HDLBP: variants seen among roughly 807,000 people sequenced by gnomAD.
HDLBP encodes vigilin.
Under a neutral mutation model 137.3 loss-of-function variants are expected in HDLBP, and 30 were observed. The observed-to-expected ratio is 0.22, with a 90% CI of 0.16 to 0.30. The LOEUF (loss-of-function observed/expected upper bound fraction) is 0.30. Among genes scored for constraint, HDLBP ranks in the 10% least tolerant of loss-of-function variants. HDLBP has a pLI of 1.00. For missense variants in HDLBP, 1,119 were observed against 1,667.3 expected, an observed-to-expected ratio of 0.67 and a Z score of 5.73; for synonymous variants, 606 against 596.0, an observed-to-expected ratio of 1.02 and a Z score of -0.24.
rs1008430478 is a variant in HDLBP at position 241,256,790 on chromosome 2, G to C, written c.467C>G (p.Ala156Gly). ...RLQTQASATV[A>G]IPKEHHRFVI... is the part of the protein sequence containing the mutation. Reference sequence around the variant, plus strand: ...AAAGCGATGGTGTTCTTTGGGAATGGCAACAGTTGCTGAGGCCTATAGCAA... The same window carrying C: ...AAAGCGATGGTGTTCTTTGGGAATGCCAACAGTTGCTGAGGCCTATAGCAA... Residue 156 changes from alanine (A) to glycine (G), a missense_variant, in exon 6 of 28, where the codon GCC becomes GGC. Ala to Gly is a moderately conservative substitution (Grantham distance 60, BLOSUM62 0). Coordinates refer to ENST00000310931, the MANE Select transcript of HDLBP (RefSeq NM_005336.6). 8 of 1,613,926 alleles carry C rather than the reference G, an allele frequency of 5.0e-6. No homozygotes were observed. Among genetic ancestry groups the C allele is most frequent in the Non-Finnish European group, 5.9e-6 (7 of 1,179,780 alleles).
At chr2:241,286,415 G>A (rs1357580400) in intron 1 of HDLBP, among the ~76,000 whole-genome samples, 1 of 152,224 alleles carries the variant, frequency 6.6e-6, no homozygotes, top group Non-Finnish European at 1.5e-5. Flanking sequence ...GTATCTGACT[G>A]CCTCCTTTGG....
chr2:241,240,019 C>G lies in HDLBP; in HGVS notation c.2273G>C (p.Gly758Ala). 6.2e-7 allele frequency: 1 copy of G among 1,614,198 alleles called. No homozygotes were observed. Among genetic ancestry groups the G allele is most frequent in the South Asian group, 1.1e-5 (1 of 91,088 alleles). The change falls in exon 18 of 28, where the codon GGA becomes GCA. Residue 758 changes from glycine to alanine, a missense_variant. Gly to Ala is a moderately conservative substitution (Grantham distance 60). This residue lies in a region of HDLBP where 618 missense variants were observed against 816.7 expected (regional missense o/e 0.76). Transcript: ENST00000310931. This position sits in a 1 kb window ranked among gnomAD's most constrained non-coding sequence, Gnocchi z 5.5. ...GKIRKVRDST[G>A]ARVIFPAAED... ...AGCCGCAGGGAAGATGACACGTGCT[C>G]CAGTGCTGTCGCGCACCTTGCGAAT... is the stretch of plus-strand genomic sequence containing the variant.
At position 241,272,348 on chromosome 2, in the gene HDLBP, C is replaced by A; in HGVS notation, c.-102-3807G>T. 1.0e-6 allele frequency: 1 copy of A among 984,248 alleles called. No individual in the cohort carries two copies. The highest frequency in any genetic ancestry group is 1.2e-6 in the Non-Finnish European group (1 of 829,282). The allele number at this position is 984,248 out of a possible 1,614,324, so 61.0% of individuals were successfully genotyped here. On this transcript the variant is annotated intron_variant, in intron 1 of 27. Coordinates refer to ENST00000310931, the MANE Select transcript of HDLBP (RefSeq NM_005336.6). This position sits in a 1 kb window ranked among gnomAD's most constrained non-coding sequence, Gnocchi z 5.6. Reference sequence around the variant, plus strand: ...CGGGGGAGGGGAGGGCCGGCCCCGCCAACGTCAGCGACCTGGGCTCAGGTC... The same window carrying A: ...CGGGGGAGGGGAGGGCCGGCCCCGCAAACGTCAGCGACCTGGGCTCAGGTC...
intron 1 of HDLBP, among the ~76,000 whole-genome samples, chr2:241,299,902 G>A (rs113019883): frequency 3.1e-5 from 4 of 130,822 alleles, no homozygotes; most frequent in African/African-American, 8.6e-5. Context: ...GGGACAGAGC[G>A]AGATTCCGTC....
At chr2:241,244,595 C>T (rs1263184363) in intron 16 of HDLBP, among the ~76,000 whole-genome samples, 1 of 151,862 alleles carries the variant, frequency 6.6e-6, no homozygotes, top group Admixed American at 6.6e-5. Context: ...AACAGCTTTT[C>T]GAAAGTGAAG....
Position 241,238,560 on chromosome 2 carries a change from A to G in HDLBP, c.2749+89T>C, listed in dbSNP as rs1024565736. 2.8e-6 allele frequency: 3 copies of G among 1,054,386 alleles called. No individual in the cohort carries two copies. The highest frequency in any genetic ancestry group is 3.2e-5 in the African/African-American group (2 of 61,910). 65.3% of individuals were successfully genotyped at this position (1,054,386 alleles called of 1,614,324 possible). On this transcript the variant is annotated intron_variant, in intron 20 of 27. Transcript: ENST00000310931. The surrounding 1 kb of genome is among the most constrained non-coding windows in gnomAD (Gnocchi z 4.9). ...AGATGGTTTTCCAGCAGAGACAGGA[A>G]AGAGCCTCACCAGTATGTGCGACAG... is the stretch of plus-strand genomic sequence containing the variant.
rs561430795 is a variant in HDLBP at position 241,263,932 on chromosome 2, G to T, written c.234+516C>A. Among the ~76,000 whole-genome samples, 10 of 152,266 alleles carry T rather than the reference G, an allele frequency of 6.6e-5. 2 individuals are homozygous for T. The highest frequency in any genetic ancestry group is 2.4e-4 in the African/African-American group (10 of 41,558). ...AGTGGTCGACAGAAACATCTCTGGGGTGGGGGATGATTTAAATTGAAGGCC... is the reference window on the plus strand; with the variant it reads ...AGTGGTCGACAGAAACATCTCTGGGTTGGGGGATGATTTAAATTGAAGGCC... On this transcript the variant is annotated intron_variant, in intron 4 of 27. Coordinates refer to ENST00000310931, the MANE Select transcript of HDLBP (RefSeq NM_005336.6).
At chr2:241,311,689 CAAAT>C (rs1307757522) in intron 1 of HDLBP, among the ~76,000 whole-genome samples, 3 of 152,144 alleles carry the variant, frequency 2.0e-5, no homozygotes, top group East Asian at 3.8e-4. Context: ...CAAACAAAAA[CAAAT>C]AAGACTTGTA....
chr2:241,250,877 A>G (rs2072087111), intron 11 of HDLBP: 2 of 152,146 alleles, frequency 1.3e-5, no homozygotes, highest in South Asian at 4.2e-4. Context: ...GCATGAGAAG[A>G]AAACAGAACA....
rs766073908 is a variant in HDLBP, at chr2:241,239,567, G to C, written c.2610+35C>G. On this transcript the variant is annotated intron_variant, in intron 19 of 27. Coordinates refer to ENST00000310931, the MANE Select transcript of HDLBP (RefSeq NM_005336.6). The surrounding 1 kb of genome is among the most constrained non-coding windows in gnomAD (Gnocchi z 4.6). ...CGGCTTCGGTGAGTGGCCACTGGGG[G>C]GTGAGAACCCCTCCCCGAGCACCCA... The C allele has an allele frequency of 3.6e-5, 56 of 1,558,084 alleles. No individual in the cohort carries two copies. The highest frequency in any genetic ancestry group is 4.8e-5 in the Non-Finnish European group (54 of 1,130,044).
In HDLBP at chr2:241,239,749, C is replaced by T. The variant is rs762530439; in HGVS notation, c.2463G>A (p.Gln821=). 16 of 1,614,222 alleles carry T rather than the reference C, an allele frequency of 9.9e-6. No homozygotes were observed. The highest frequency in any genetic ancestry group is 1.4e-5 in the Non-Finnish European group (16 of 1,180,044). The change falls in exon 19 of 28, where the codon CAG becomes CAA. Residue 821 remains glutamine (Q), a synonymous_variant. Coordinates refer to ENST00000310931, the MANE Select transcript of HDLBP (RefSeq NM_005336.6). The surrounding 1 kb of genome is among the most constrained non-coding windows in gnomAD (Gnocchi z 4.6). ...HHRHFVIRRG[Q]VLREIAEEYG... ...ACTCTTCAGCAATCTCCCGCAAGAC[C>T]TGGCCTCTGCGGATGACGAAGTGGC...
intron 8 of HDLBP, 46 bp downstream of exon 8, chr2:241,255,328 C>T (rs754729279): frequency 2.1e-5 from 32 of 1,543,298 alleles, no homozygotes; most frequent in East Asian, 4.5e-5. Flanking sequence ...GAAGGCCCCG[C>T]GGACTCCACT....
intron 1 of HDLBP, among the ~76,000 whole-genome samples, chr2:241,291,801 C>T (rs1440810241): frequency 6.6e-6 from 1 of 152,106 alleles, no homozygotes; most frequent in Non-Finnish European, 1.5e-5. Context: ...TGGGACGTAA[C>T]CACAATCACA....
intron 1 of HDLBP, among the ~76,000 whole-genome samples, chr2:241,281,494 C>G (rs571128823): frequency 6.6e-6 from 1 of 152,292 alleles, no homozygotes; most frequent in African/African-American, 2.4e-5. Context: ...GCACTCCAGC[C>G]TGGCTGACCA....
chr2:241,255,181 A>T (rs763113030), intron 8 of HDLBP, 23 bp from the exon 9 acceptor site: 100 of 1,603,798 alleles, frequency 6.2e-5, no homozygotes, highest in Non-Finnish European at 8.5e-5. Context: ...GAGAACAGCC[A>T]TGGGTTTGCA....
intron 1 of HDLBP, among the ~76,000 whole-genome samples, chr2:241,277,528 G>A (rs1353780589): frequency 6.6e-6 from 1 of 152,144 alleles, no homozygotes; most frequent in Non-Finnish European, 1.5e-5. Flanking sequence ...AATCATGTAA[G>A]AATTCTATTG....
intron 17 of HDLBP, among the ~76,000 whole-genome samples, chr2:241,241,937 C>A (rs965408315): frequency 1.4e-4 from 21 of 152,216 alleles, no homozygotes; most frequent in African/African-American, 5.1e-4. Flanking sequence ...TGCTTTTTTC[C>A]TACAAATTGA....
intron 1 of HDLBP, among the ~76,000 whole-genome samples, chr2:241,311,686 A>C (rs1394761055): frequency 1.3e-5 from 2 of 152,266 alleles, no homozygotes; most frequent in African/African-American, 4.8e-5. Context: ...AAGCAAACAA[A>C]AACAAATAAG....
Position 241,272,328 on chromosome 2 carries a change from G to A in HDLBP, c.-102-3787C>T. On this transcript the variant is annotated intron_variant, in intron 1 of 27. Coordinates refer to ENST00000310931, the MANE Select transcript of HDLBP (RefSeq NM_005336.6). The surrounding 1 kb of genome is among the most constrained non-coding windows in gnomAD (Gnocchi z 5.6). Reference sequence around the variant, plus strand: ...ACACGGCGCCCCCGCCGGAGCGGGGGAGGGGAGGGCCGGCCCCGCCAACGT... The same window carrying A: ...ACACGGCGCCCCCGCCGGAGCGGGGAAGGGGAGGGCCGGCCCCGCCAACGT... The A allele has an allele frequency of 1.0e-6, 1 of 983,858 alleles. No homozygotes were observed. The highest frequency in any genetic ancestry group is 1.2e-6 in the Non-Finnish European group (1 of 828,890). 60.9% of individuals were successfully genotyped at this position (983,858 alleles called of 1,614,324 possible). A position where few individuals can be genotyped will look rare whatever the true frequency, so the allele number is the denominator to read the frequency against.
Sources: gnomAD v4.1 joint callset for allele counts (sites outside exome capture counted in the v4.1 genomes callset) on GRCh38, gnomAD v4.1.1 for gene constraint, gnomAD v4.1.1 regional missense constraint, Gnocchi (gnomAD v3.1) non-coding constraint, MANE v1.5 for transcripts, NCBI Gene and HGNC (gene_info 2026-07-23, HGNC 2026-07-21) for gene names.